NDST3: variants seen among roughly 807,000 people sequenced by gnomAD.
NDST3 encodes N-deacetylase and N-sulfotransferase 3.
In NDST3, 58 loss-of-function variants were observed where a neutral mutation model predicts 96.1. That is an observed-to-expected ratio of 0.60 (90% CI 0.49 to 0.75). The LOEUF (loss-of-function observed/expected upper bound fraction) is 0.75, where lower values mean the gene tolerates loss of function less well. NDST3 is among the 30% of genes least tolerant of loss of function. The pLI is 0.00. For synonymous variants in NDST3, 333 were observed against 359.7 expected (o/e 0.93, Z 0.84); for missense variants, 788 against 1,034.2 (o/e 0.76, Z 3.27).
intron 6 of NDST3, among the ~76,000 whole-genome samples, chr4:118,203,914 C>T (rs182798031): frequency 6.6e-6 from 1 of 152,150 alleles, no homozygotes; most frequent in African/African-American, 2.4e-5. Context: ...CACAAAAATC[C>T]CTATAAATTT....
intron 2 of NDST3, among the ~76,000 whole-genome samples, chr4:118,093,696 C>G (rs945424633): frequency 6.6e-6 from 1 of 151,832 alleles, no homozygotes; most frequent in Non-Finnish European, 1.5e-5. Flanking sequence ...AGATCACAGG[C>G]CTGTTAGACC....
At chr4:118,194,271 G>A in intron 6 of NDST3, 1 of 727,498 alleles carries the variant, frequency 1.4e-6, no homozygotes. Context: ...TTGGGCCTGG[G>A]ATAGCCTTCA....
intron 6 of NDST3, among the ~76,000 whole-genome samples, chr4:118,190,105 G>A (rs573952443): frequency 1.9e-3 from 283 of 151,140 alleles, no homozygotes; most frequent in Middle Eastern, 3.6e-3. Context: ...TATACATTCT[G>A]TATACAGAAT....
intron 12 of NDST3, among the ~76,000 whole-genome samples, chr4:118,252,629 G>A (rs780440165): frequency 1.4e-4 from 21 of 152,074 alleles, no homozygotes; most frequent in Non-Finnish European, 2.6e-4. Context: ...AGTGGCTCAC[G>A]CCTGTAATCC....
intron 6 of NDST3, among the ~76,000 whole-genome samples, chr4:118,214,070 C>G (rs1739029069): frequency 6.6e-6 from 1 of 151,816 alleles, no homozygotes; most frequent in Non-Finnish European, 1.5e-5. Flanking sequence ...TATGAAAGAG[C>G]AGTGGAGATA....
At chr4:118,184,885 C>T (rs191032569) in intron 6 of NDST3, among the ~76,000 whole-genome samples, 43 of 152,230 alleles carry the variant, frequency 2.8e-4, no homozygotes, top group Non-Finnish European at 1.6e-4. Flanking sequence ...CAGGCCTTTC[C>T]ATTTTCCATG....
rs766566244 is a variant in NDST3, at chr4:118,054,254, G to C, written c.344G>C (p.Gly115Ala). 3 of 1,612,604 alleles carry C rather than the reference G, an allele frequency of 1.9e-6. No homozygotes were observed. Among genetic ancestry groups the C allele is most frequent in the Non-Finnish European group, 2.5e-6 (3 of 1,179,346 alleles). Reference sequence around the variant, plus strand: ...CACATTGAAATTGCCCCTGGAAAGGGAGATCTCCCAGTGCTTATAGACAAA... The same window carrying C: ...CACATTGAAATTGCCCCTGGAAAGGCAGATCTCCCAGTGCTTATAGACAAA... The part of the protein sequence containing the change: ...QYHIEIAPGK[G>A]DLPVLIDKMK... The change falls in exon 2 of 14, where the codon GGA becomes GCA. Residue 115 changes from glycine (G) to alanine (A), a missense_variant. Physicochemically the swap from Gly to Ala is moderately conservative, Grantham distance 60. Around this residue, in one of 3 missense-constraint regions of NDST3, gnomAD observed 234 missense variants for 256.9 expected, o/e 0.91. Transcript: ENST00000296499.
In NDST3 at chr4:118,255,580, C is replaced by G. The variant is rs770847194; in HGVS notation, c.2503-13C>G. On this transcript the variant is annotated splice_polypyrimidine_tract_variant and intron_variant, in intron 13 of 13. Coordinates refer to ENST00000296499, the MANE Select transcript of NDST3 (RefSeq NM_004784.3). ...AAAATAAAATGTACTTTTCTCTCCTCCTCTCCACTTAGAGCAGGACATTTC... is the reference window on the plus strand; with the variant it reads ...AAAATAAAATGTACTTTTCTCTCCTGCTCTCCACTTAGAGCAGGACATTTC... 6.3e-6 allele frequency: 10 copies of G among 1,598,712 alleles called. No individual in the cohort carries two copies. The highest frequency in any genetic ancestry group is 8.5e-6 in the Non-Finnish European group (10 of 1,172,358).
At chr4:118,062,756 T>C (rs1725998475) in intron 2 of NDST3, among the ~76,000 whole-genome samples, 1 of 152,206 alleles carries the variant, frequency 6.6e-6, no homozygotes, top group Non-Finnish European at 1.5e-5. Flanking sequence ...AAATGGAATG[T>C]TTCTCTACTA....
At chr4:118,150,029 T>C (rs1463643412) in intron 6 of NDST3, among the ~76,000 whole-genome samples, 1 of 151,612 alleles carries the variant, frequency 6.6e-6, no homozygotes, top group Non-Finnish European at 1.5e-5. Context: ...GGTTTTTGTC[T>C]TTGGTTCTGT....
At chr4:118,253,383 T>C (rs1483564223) in intron 12 of NDST3, 116 bp from the exon 13 acceptor site, 2 of 585,234 alleles carry the variant, frequency 3.4e-6, no homozygotes. Context: ...TAGATTGTTA[T>C]CCAAATAAAA....
At chr4:118,191,741 A>C (rs1737321064) in intron 6 of NDST3, among the ~76,000 whole-genome samples, 1 of 152,224 alleles carries the variant, frequency 6.6e-6, no homozygotes, top group African/African-American at 2.4e-5. Context: ...GTAATTTAAA[A>C]ACATACAATT....
In NDST3 at chr4:118,051,246, C is replaced by T. The variant is rs192019177; in HGVS notation, c.-155-2510C>T. ...CAAGGTAATTTGCCTAGGCTGTAAT[C>T]CTAAGCAAATTAAGTAAGCAAGTTA... On this transcript the variant is annotated intron_variant, in intron 1 of 13. Coordinates refer to ENST00000296499, the MANE Select transcript of NDST3 (RefSeq NM_004784.3). Among the ~76,000 whole-genome samples the T allele has an allele frequency of 2.7e-3, 415 of 152,092 alleles. 2 individuals are homozygous for T. The highest frequency in any genetic ancestry group is 9.4e-3 in the African/African-American group (392 of 41,522).
chr4:118,158,768 G>A (rs1285546112), intron 6 of NDST3, among the ~76,000 whole-genome samples: 1 of 152,168 alleles, frequency 6.6e-6, no homozygotes, highest in Non-Finnish European at 1.5e-5. Flanking sequence ...AAGATAAGCT[G>A]ATATTATGCA....
rs527860042 is a variant in NDST3 at position 118,238,199 on chromosome 4, G to T, written c.2118+979G>T. On this transcript the variant is annotated intron_variant, in intron 10 of 13. Coordinates refer to ENST00000296499, the MANE Select transcript of NDST3 (RefSeq NM_004784.3). ...AGAAAGAAAGAAAGAAAGAAAGAAAGAAAGAAAGAAAGAAAGAAAGAAAGA... is the reference window on the plus strand; with the variant it reads ...AGAAAGAAAGAAAGAAAGAAAGAAATAAAGAAAGAAAGAAAGAAAGAAAGA... Among the ~76,000 whole-genome samples the T allele has an allele frequency of 1.7e-4, 25 of 143,390 alleles. No individual in the cohort carries two copies. The South Asian group carries it at 3.6e-3, about 20-fold the overall frequency. The allele number at this position is 143,390 out of a possible 152,430, so 94.1% of individuals were successfully genotyped here.
At chr4:118,135,460 G>T (rs770429855) in intron 4 of NDST3, among the ~76,000 whole-genome samples, 4 of 152,104 alleles carry the variant, frequency 2.6e-5, no homozygotes, top group Admixed American at 2.0e-4. Flanking sequence ...GGGTAGTAAT[G>T]ACAACAATAA....
intron 6 of NDST3, among the ~76,000 whole-genome samples, chr4:118,178,315 C>A (rs974339742): frequency 6.6e-6 from 1 of 151,954 alleles, no homozygotes; most frequent in Non-Finnish European, 1.5e-5. Flanking sequence ...ATCTCTATAT[C>A]CATCAAACAG....
chr4:118,051,215 T>C (rs928226269), intron 1 of NDST3, among the ~76,000 whole-genome samples: 5 of 152,098 alleles, frequency 3.3e-5, no homozygotes, highest in African/African-American at 1.2e-4. Context: ...TATACAAAAA[T>C]TAACTCAAGG....
chr4:118,108,611 T>A (rs902559885), intron 3 of NDST3, among the ~76,000 whole-genome samples: 24 of 152,192 alleles, frequency 1.6e-4, no homozygotes, highest in African/African-American at 5.8e-4. Flanking sequence ...TATTTTTAGA[T>A]AGAAGCATAC....
Sources: gnomAD v4.1 joint callset for allele counts (sites outside exome capture counted in the v4.1 genomes callset) on GRCh38, gnomAD v4.1.1 for gene constraint, gnomAD v4.1.1 regional missense constraint, MANE v1.5 for transcripts, NCBI Gene and HGNC (gene_info 2026-07-23, HGNC 2026-07-21) for gene names.